Variants in COL23A1 observed in about 807,000 individuals in gnomAD.
The protein encoded by COL23A1 is collagen alpha-1(XXIII) chain.
In COL23A1, 97 loss-of-function variants were observed where a neutral mutation model predicts 99.3. The ratio of observed to expected loss-of-function variants is 0.98; its 90% CI spans 0.83 to 1.16. The LOEUF (loss-of-function observed/expected upper bound fraction) is 1.16. COL23A1 is among the 50% of genes most tolerant of loss of function. The probability of loss-of-function intolerance (pLI) is 0.00; values close to 1 mark genes in which losing one functional copy is unlikely to be tolerated. For missense variants in COL23A1, 762 were observed against 757.4 expected (o/e 1.01, Z -0.07); for synonymous variants, 320 against 308.2 (o/e 1.04, Z -0.40).
In COL23A1 at chr5:178,279,276, G is replaced by A. The variant is rs927113323; in HGVS notation, c.442-8913C>T. ...GGAGCCTTCTTCAGCTCCCGCCCCC[G>A]CCAGTTTCTCACTTATGGACTCACT... On this transcript the variant is annotated intron_variant, in intron 5 of 28. Transcript: ENST00000390654. Among the ~76,000 whole-genome samples, 6 of 152,008 alleles carry A rather than the reference G, an allele frequency of 3.9e-5. 1 individual carries two copies. The highest frequency in any genetic ancestry group is 6.3e-3 in the Middle Eastern group (2 of 316).
chr5:178,573,090 T>C (rs1763185718), intron 1 of COL23A1, among the ~76,000 whole-genome samples: 1 of 152,200 alleles, frequency 6.6e-6, no homozygotes, highest in Admixed American at 6.5e-5. Flanking sequence ...GAGGAAACTC[T>C]GGAGGGTGAG....
chr5:178,443,738 G>A (rs1044473241), intron 2 of COL23A1, among the ~76,000 whole-genome samples: 7 of 151,802 alleles, frequency 4.6e-5, no homozygotes, highest in Admixed American at 6.6e-5. Context: ...GATTACAGGC[G>A]TCAGCCACCG....
At chr5:178,412,529 T>A (rs1339762558) in intron 2 of COL23A1, among the ~76,000 whole-genome samples, 1 of 152,224 alleles carries the variant, frequency 6.6e-6, no homozygotes, top group African/African-American at 2.4e-5. Context: ...GAATTCTGTA[T>A]ATCTTTCTTT....
In COL23A1 at chr5:178,434,160, ATCT is replaced by A. The variant is rs1766420115; in HGVS notation, c.361+126519_361+126521del. 6.6e-6 allele frequency among the ~76,000 whole-genome samples: 1 copy of A among 152,228 alleles called. No individual in the cohort carries two copies. The highest frequency in any genetic ancestry group is 2.4e-5 in the African/African-American group (1 of 41,462). ...AATGCCTCAGGAAACAGCGACTGTC[ATCT>A]TCTCCACTTTCCAGATAGGGAAATC... On this transcript the variant is annotated intron_variant, in intron 2 of 28. Coordinates refer to ENST00000390654, the MANE Select transcript of COL23A1 (RefSeq NM_173465.4). The surrounding 1 kb of genome is among the most constrained non-coding windows in gnomAD (Gnocchi z 4.3).
chr5:178,242,751 T>C (rs1299555406), intron 25 of COL23A1, among the ~76,000 whole-genome samples: 1 of 152,168 alleles, frequency 6.6e-6, no homozygotes, highest in Non-Finnish European at 1.5e-5. Flanking sequence ...CACTGTCTGA[T>C]GGGATGAGAA....
At chr5:178,442,032 T>C (rs1167100651) in intron 2 of COL23A1, among the ~76,000 whole-genome samples, 1 of 151,872 alleles carries the variant, frequency 6.6e-6, no homozygotes, top group East Asian at 1.9e-4. Flanking sequence ...TCAACCTGAG[T>C]CCCCACCCAC....
intron 2 of COL23A1, among the ~76,000 whole-genome samples, chr5:178,461,972 T>G (rs1756148463): frequency 6.6e-6 from 1 of 152,238 alleles, no homozygotes; most frequent in African/African-American, 2.4e-5. Flanking sequence ...CCGCGAAAGT[T>G]CCTGCCCAGG....
At chr5:178,422,377 G>C (rs1056550110) in intron 2 of COL23A1, among the ~76,000 whole-genome samples, 2 of 152,150 alleles carry the variant, frequency 1.3e-5, no homozygotes, top group South Asian at 4.1e-4. Flanking sequence ...CGTTAGACAC[G>C]ATGTCAGCCT....
At chr5:178,416,647 G>A (rs754763443) in intron 2 of COL23A1, among the ~76,000 whole-genome samples, 41 of 152,266 alleles carry the variant, frequency 2.7e-4, no homozygotes, top group African/African-American at 8.7e-4. Context: ...TCACTTAATC[G>A]TTTCAAGCCG....
chr5:178,371,699 C>T (rs139369232), intron 2 of COL23A1, among the ~76,000 whole-genome samples: 94 of 152,288 alleles, frequency 6.2e-4, no homozygotes, highest in Non-Finnish European at 1.3e-3. Flanking sequence ...CAGCCCTGTC[C>T]GCGGTCCCTC....
At chr5:178,420,672 C>G (rs868091281) in intron 2 of COL23A1, among the ~76,000 whole-genome samples, 1 of 57,178 alleles carries the variant, frequency 1.7e-5, no homozygotes, top group African/African-American at 7.7e-5. Context: ...CTCTCTTTCC[C>G]CCTCCCCTCT....
chr5:178,561,086 A>G (rs2113568902), intron 1 of COL23A1, among the ~76,000 whole-genome samples: 1 of 152,238 alleles, frequency 6.6e-6, no homozygotes, highest in East Asian at 1.9e-4. Flanking sequence ...GCAGGGAGGG[A>G]GGCTGGGGCT....
Position 178,428,664 on chromosome 5 carries a change from T to C in COL23A1, c.362-121745A>G, listed in dbSNP as rs911827456. 6.6e-6 allele frequency among the ~76,000 whole-genome samples: 1 copy of C among 152,248 alleles called. No individual in the cohort carries two copies. The highest frequency in any genetic ancestry group is 2.4e-5 in the African/African-American group (1 of 41,476). On this transcript the variant is annotated intron_variant, in intron 2 of 28. Transcript: ENST00000390654. The surrounding 1 kb of genome is among the most constrained non-coding windows in gnomAD (Gnocchi z 5.0). Reference sequence around the variant, plus strand: ...CCTCATTATGTCAGCGCCCGGATTGTGTGCTGGGGCTGGGCTGGGGACAGG... The same window carrying C: ...CCTCATTATGTCAGCGCCCGGATTGCGTGCTGGGGCTGGGCTGGGGACAGG...
chr5:178,386,545 A>T (rs1763684232), intron 2 of COL23A1, among the ~76,000 whole-genome samples: 1 of 151,942 alleles, frequency 6.6e-6, no homozygotes, highest in South Asian at 2.1e-4. Flanking sequence ...CATTTGCTTC[A>T]GCCTGTTGAG....
At chr5:178,578,117 T>G (rs761668826) in intron 1 of COL23A1, among the ~76,000 whole-genome samples, 1 of 140,016 alleles carries the variant, frequency 7.1e-6, no homozygotes, top group Non-Finnish European at 1.5e-5. Flanking sequence ...ATGCACACAT[T>G]CATGCACACA....
intron 2 of COL23A1, among the ~76,000 whole-genome samples, chr5:178,327,877 C>T (rs1196947777): frequency 6.6e-6 from 1 of 152,184 alleles, no homozygotes; most frequent in African/African-American, 2.4e-5. Context: ...TCCTGGCAGA[C>T]AAGCTGCTCT....
intron 6 of COL23A1, among the ~76,000 whole-genome samples, chr5:178,269,462 T>TCCACCCATCCAC (rs1561810072): frequency 1.1e-5 from 1 of 91,052 alleles, no homozygotes; most frequent in Non-Finnish European, 2.1e-5. Flanking sequence ...CACCCATCCA[T>TCCACCCATCCAC]CCACCCATCC....
rs60863033 is a variant in COL23A1, at chr5:178,309,943, G to A, written c.362-3024C>T. Among the ~76,000 whole-genome samples the A allele has an allele frequency of 4.8e-5, 7 of 145,952 alleles. No homozygotes were observed. Among genetic ancestry groups the A allele is most frequent in the Admixed American group, 3.3e-4 (5 of 15,068 alleles). ...TGTGTGTTCAGGGGAGGAAGGGCGG[G>A]GGGGAGAGGGAGGGAGGGAGAAGGG... On this transcript the variant is annotated intron_variant, in intron 2 of 28. Transcript: ENST00000390654. The surrounding 1 kb of genome is among the most constrained non-coding windows in gnomAD (Gnocchi z 4.7).
At position 178,365,238 on chromosome 5, in the gene COL23A1, C is replaced by CGCACA. The variant is rs1455835817; in HGVS notation, c.362-58324_362-58320dup. Among the ~76,000 whole-genome samples the CGCACA allele has an allele frequency of 6.6e-6, 1 of 151,912 alleles. No individual in the cohort carries two copies. The highest frequency in any genetic ancestry group is 2.4e-5 in the African/African-American group (1 of 41,336). On this transcript the variant is annotated intron_variant, in intron 2 of 28. Transcript: ENST00000390654. The surrounding 1 kb of genome is among the most constrained non-coding windows in gnomAD (Gnocchi z 5.2). The stretch of plus-strand genomic sequence containing the variant: ...CATTAGATATGGGGTCCAGCCCCAG[C>CGCACA]GCACAGGAAACCCTGCTCAGGCAGA...
Sources: gnomAD v4.1 joint callset for allele counts (sites outside exome capture counted in the v4.1 genomes callset) on GRCh38, gnomAD v4.1.1 for gene constraint, Gnocchi (gnomAD v3.1) non-coding constraint, MANE v1.5 for transcripts, NCBI Gene and HGNC (gene_info 2026-07-23, HGNC 2026-07-21) for gene names.